Variants in SHOC1 observed in about 807,000 individuals in gnomAD.
SHOC1 encodes the protein protein shortage in chiasmata 1 ortholog.
A neutral mutation model predicts 179.2 loss-of-function variants in SHOC1; 136 were observed. The ratio of observed to expected loss-of-function variants is 0.76; its 90% CI spans 0.66 to 0.87. The LOEUF is 0.87. Among genes scored for constraint, SHOC1 ranks in the 40% least tolerant of loss-of-function variants. The pLI, the probability that SHOC1 is intolerant of heterozygous loss-of-function variation, is 0.00. For synonymous variants in SHOC1, 489 were observed against 586.6 expected, an observed-to-expected ratio of 0.83 and a Z score of 2.41; for missense variants, 1,538 against 1,700.8, an observed-to-expected ratio of 0.90 and a Z score of 1.68.
intron 15 of SHOC1, among the ~76,000 whole-genome samples, chr9:111,721,892 C>T (rs1012241753): frequency 1.3e-5 from 2 of 152,222 alleles, no homozygotes; most frequent in African/African-American, 4.8e-5. Context: ...AATGGTAGGG[C>T]TCATTTCACT....
intron 10 of SHOC1, among the ~76,000 whole-genome samples, chr9:111,742,686 T>A (rs1054698677): frequency 2.0e-5 from 3 of 152,200 alleles, no homozygotes; most frequent in African/African-American, 7.2e-5. Flanking sequence ...ATGAGCATGC[T>A]AATTATAAGT....
At chr9:111,688,693 A>T (rs2131299807) in intron 27 of SHOC1, among the ~76,000 whole-genome samples, 1 of 152,334 alleles carries the variant, frequency 6.6e-6, no homozygotes, top group South Asian at 2.1e-4. Flanking sequence ...GAAAAAATTT[A>T]TAATAGATCA....
chr9:111,713,240 CA>C (rs1388408554), intron 17 of SHOC1, 68 bp from the exon 18 acceptor site: 1 of 763,924 alleles, frequency 1.3e-6, no homozygotes, highest in Non-Finnish European at 2.1e-6. Flanking sequence ...GATACAGTGA[CA>C]AAATAACAAA....
intron 23 of SHOC1, among the ~76,000 whole-genome samples, chr9:111,701,502 A>G (rs1831969061): frequency 6.6e-6 from 1 of 152,148 alleles, no homozygotes; most frequent in South Asian, 2.1e-4. Context: ...GTAGACAGTA[A>G]TCTAAAACAA....
intron 16 of SHOC1, among the ~76,000 whole-genome samples, chr9:111,717,232 A>G (rs1042754733): frequency 1.3e-5 from 2 of 152,214 alleles, no homozygotes; most frequent in Admixed American, 1.3e-4. Flanking sequence ...ATTTATTTTT[A>G]CTTTATGTTT....
At chr9:111,753,685 C>T (rs1211262635) in intron 8 of SHOC1, among the ~76,000 whole-genome samples, 5 of 152,062 alleles carry the variant, frequency 3.3e-5, no homozygotes, top group African/African-American at 1.2e-4. Flanking sequence ...TGATACACTA[C>T]ATTAATAGAA....
At position 111,705,285 on chromosome 9, in the gene SHOC1, A is replaced by G. The variant is rs751629241; in HGVS notation, c.2817T>C (p.Leu939=). The change falls in exon 21 of 28, where the codon CTT becomes CTC. Residue 939 remains leucine, a synonymous_variant. Transcript: ENST00000682961. ...GCTGAAGTATGTCTGGAGTATTAAG[A>G]AGTCCTTCAGATGCAAAAAACACAT... is the stretch of plus-strand genomic sequence containing the variant. ...IPYVFFASEG[L]LNTPDILQLL... The G allele has an allele frequency of 6.3e-7, 1 of 1,588,454 alleles. No individual in the cohort carries two copies. Among genetic ancestry groups the G allele is most frequent in the Middle Eastern group, 1.7e-4 (1 of 5,952 alleles).
Position 111,707,903 on chromosome 9 carries a change from T to C in SHOC1, c.2510A>G (p.His837Arg). Residue 837 changes from histidine (H) to arginine (R), a missense_variant, in exon 19 of 28, where the codon CAT (histidine) becomes CGT (arginine). Coordinates refer to ENST00000682961, the MANE Select transcript of SHOC1 (RefSeq NM_001378211.1). ...CAGAAAATCTTTTCTTTCATTTGAA[T>C]GAAGGACAGTCAGTGTTAAACCTGT... ...KIEGLTLTVL[H>R]SNERKDFLES... 1 of 1,581,116 alleles carries C rather than the reference T, an allele frequency of 6.3e-7. No individual in the cohort carries two copies. Among genetic ancestry groups the C allele is most frequent in the South Asian group, 1.2e-5 (1 of 84,834 alleles).
intron 16 of SHOC1, among the ~76,000 whole-genome samples, chr9:111,717,534 A>T (rs1832846799): frequency 6.6e-6 from 1 of 151,458 alleles, no homozygotes; most frequent in Non-Finnish European, 1.5e-5. Flanking sequence ...CAGAGGTTGC[A>T]GGTTGCAGTG....
chr9:111,707,851 T>C lies in SHOC1; in HGVS notation c.2558+4A>G, dbSNP rs1429990875. The stretch of plus-strand genomic sequence containing the variant: ...TCCTCACAGATGAAGGAATGAATTT[T>C]TACCCCCTTAAAACACCTTCAGATT... On this transcript the variant is annotated splice_donor_region_variant and intron_variant, in intron 19 of 27. Transcript: ENST00000682961. The C allele has an allele frequency of 2.6e-6, 4 of 1,566,108 alleles. No homozygotes were observed. The South Asian group carries it at 3.5e-5, about 14-fold the overall frequency.
intron 24 of SHOC1, among the ~76,000 whole-genome samples, chr9:111,698,214 A>G (rs1414562084): frequency 2.0e-5 from 3 of 152,104 alleles, no homozygotes; most frequent in African/African-American, 7.2e-5. Context: ...CCATTTGTCA[A>G]TTTTGGCTTT....
chr9:111,723,813 C>A lies in SHOC1; in HGVS notation c.1933G>T (p.Val645Phe). ...ATACCTGACGCTTGAATTTCAATGACACTATCTGTTCCCCTTTCCTGATTT... is the reference window on the plus strand; with the variant it reads ...ATACCTGACGCTTGAATTTCAATGAAACTATCTGTTCCCCTTTCCTGATTT... ...EINQERGTDS[V>F]IEIQASDSQC... Residue 645 changes from valine to phenylalanine, a missense_variant, in exon 14 of 28, where the codon GTC (valine) becomes TTC (phenylalanine). Transcript: ENST00000682961. 6.2e-7 allele frequency: 1 copy of A among 1,612,294 alleles called. No homozygotes were observed. The highest frequency in any genetic ancestry group is 8.5e-7 in the Non-Finnish European group (1 of 1,179,470).
chr9:111,770,366 A>T (rs1163525648), intron 5 of SHOC1, among the ~76,000 whole-genome samples: 4 of 151,874 alleles, frequency 2.6e-5, no homozygotes, highest in South Asian at 2.1e-4. Context: ...GTTTTATTTC[A>T]TTGTGGTCAG....
intron 12 of SHOC1, among the ~76,000 whole-genome samples, chr9:111,734,895 G>A (rs919824692): frequency 2.6e-5 from 4 of 152,118 alleles, no homozygotes; most frequent in African/African-American, 9.7e-5. Flanking sequence ...ATGATGCTGA[G>A]GTTTGGGCTA....
At position 111,707,930 on chromosome 9, in the gene SHOC1, G is replaced by A. The variant is rs1399903088; in HGVS notation, c.2489-6C>T. 1 of 1,513,414 alleles carries A rather than the reference G, an allele frequency of 6.6e-7. No individual in the cohort carries two copies. The allele number at this position is 1,513,414 out of a possible 1,614,324, so 93.7% of individuals were successfully genotyped here. ...AAGGACAGTCAGTGTTAAACCTGTT[G>A]GAAAAAAGAATAATTTTTTTCAGTG... On this transcript the variant is annotated splice_polypyrimidine_tract_variant and splice_region_variant and intron_variant, in intron 18 of 27. Coordinates refer to ENST00000682961, the MANE Select transcript of SHOC1 (RefSeq NM_001378211.1).
Position 111,703,907 on chromosome 9 carries a change from C to T in SHOC1, c.2941G>A (p.Asp981Asn). 1 of 1,604,358 alleles carries T rather than the reference C, an allele frequency of 6.2e-7. No individual in the cohort carries two copies. Among genetic ancestry groups the T allele is most frequent in the Non-Finnish European group, 8.5e-7 (1 of 1,174,062 alleles). ...SSECYVVVTI[D>N]EHTAIILQDL... The stretch of plus-strand genomic sequence containing the variant: ...TGCAAAATTATGGCAGTGTGTTCAT[C>T]AATTGTCACCACTACATAACACTCT... The change falls in exon 22 of 28, where the codon GAT (aspartate) becomes AAT (asparagine). Residue 981 changes from aspartate (D) to asparagine (N), a missense_variant. By Grantham distance (23) the Asp-to-Asn change is conservative. Transcript: ENST00000682961.
At chr9:111,734,464 C>T (rs1050709010) in intron 12 of SHOC1, among the ~76,000 whole-genome samples, 1 of 152,138 alleles carries the variant, frequency 6.6e-6, no homozygotes, top group Admixed American at 6.6e-5. Flanking sequence ...CTAAGATGGA[C>T]TGGTGTGTAT....
intron 3 of SHOC1, among the ~76,000 whole-genome samples, chr9:111,782,551 G>A (rs1176882226): frequency 1.3e-5 from 2 of 151,744 alleles, no homozygotes; most frequent in Non-Finnish European, 2.9e-5. Flanking sequence ...TTCTGTGTAT[G>A]TACACTAAAA....
intron 15 of SHOC1, among the ~76,000 whole-genome samples, chr9:111,718,566 T>G (rs926550917): frequency 1.3e-5 from 2 of 152,200 alleles, no homozygotes; most frequent in African/African-American, 4.8e-5. Context: ...TCATTTAAAC[T>G]CAGCTAACCT....
Sources: allele counts gnomAD v4.1 joint callset (sites outside exome capture counted in the v4.1 genomes callset), GRCh38; gene constraint gnomAD v4.1.1; transcripts MANE v1.5; gene names NCBI Gene and HGNC (gene_info 2026-07-23, HGNC 2026-07-21).